The following IL1RAPL1 variants were observed in gnomAD, a reference collection of about 807,000 sequenced individuals.
IL1RAPL1 encodes the protein interleukin-1 receptor accessory protein-like 1.
Under a neutral mutation model 48.4 loss-of-function variants are expected in IL1RAPL1, and 3 were observed. The ratio of observed to expected loss-of-function variants is 0.06; its 90% confidence interval spans 0.03 to 0.16. The LOEUF (loss-of-function observed/expected upper bound fraction) is 0.16, where lower values mean the gene tolerates loss of function less well. Ranked by LOEUF, IL1RAPL1 falls within the 10% of genes least tolerant of loss-of-function variation. IL1RAPL1 has a pLI of 1.00. For synonymous variants in IL1RAPL1, 185 were observed against 187.7 expected (o/e 0.99, Z 0.12); for missense variants, 349 against 530.6 (o/e 0.66, Z 3.36).
intron 5 of IL1RAPL1, among the ~76,000 whole-genome samples, chrX:29,417,268 A>C (rs2147702329): frequency 8.9e-6 from 1 of 111,935 alleles, no homozygotes; most frequent in East Asian, 2.8e-4. Context: ...TTTTTGAGAA[A>C]ACTGCATGAA....
intron 5 of IL1RAPL1, among the ~76,000 whole-genome samples, chrX:29,662,977 C>A (rs1010473128): frequency 3.6e-5 from 4 of 112,029 alleles, no homozygotes; most frequent in Non-Finnish European, 5.6e-5. Context: ...CCCTTTCACC[C>A]CAAGTGGATT....
intron 5 of IL1RAPL1, among the ~76,000 whole-genome samples, chrX:29,413,567 G>A (rs896146877): frequency 2.1e-5 from 2 of 97,533 alleles, no homozygotes; most frequent in African/African-American, 3.9e-5. Context: ...ATGTGTTCTC[G>A]TTGTTCAGTT....
chrX:28,606,817 T>C (rs917233058), intron 1 of IL1RAPL1, among the ~76,000 whole-genome samples: 1 of 111,627 alleles, frequency 9.0e-6, no homozygotes, highest in East Asian at 2.8e-4. Context: ...TTCTTCTTTT[T>C]GTAGATTTCA....
chrX:29,434,828 A>T (rs1934463915), intron 5 of IL1RAPL1, among the ~76,000 whole-genome samples: 2 of 111,282 alleles, frequency 1.8e-5, no homozygotes, highest in African/African-American at 6.5e-5. Flanking sequence ...TTCACATAAT[A>T]TAAAATACAC....
At chrX:29,205,901 A>ATT (rs59415156) in intron 2 of IL1RAPL1, among the ~76,000 whole-genome samples, 1,915 of 101,821 alleles carry the variant, frequency 0.019, 51 homozygotes, top group African/African-American at 0.063. Context: ...CACCCAGCTA[A>ATT]TTTTTTTTTT....
chrX:29,663,177 G>T, intron 5 of IL1RAPL1, among the ~76,000 whole-genome samples: 1 of 112,155 alleles, frequency 8.9e-6, no homozygotes, highest in East Asian at 2.8e-4. Context: ...GAAGCATTAT[G>T]GGTGATCCAA....
chrX:29,036,939 A>G (rs1240359169), intron 2 of IL1RAPL1, among the ~76,000 whole-genome samples: 1 of 111,840 alleles, frequency 8.9e-6, no homozygotes, highest in African/African-American at 3.3e-5. Context: ...ATATTGTATT[A>G]CTCGAAACAT....
intron 1 of IL1RAPL1, among the ~76,000 whole-genome samples, chrX:28,692,085 A>C (rs970537872): frequency 3.6e-5 from 4 of 110,682 alleles, no homozygotes; most frequent in Admixed American, 9.7e-5. Flanking sequence ...GGAAGGAGCG[A>C]GGCTCTTTTT....
intron 2 of IL1RAPL1, among the ~76,000 whole-genome samples, chrX:28,881,058 C>T (rs1458913859): frequency 2.7e-5 from 3 of 111,028 alleles, no homozygotes; most frequent in Non-Finnish European, 5.7e-5. Flanking sequence ...GGTATTCCCA[C>T]CAAGATGCCC....
chrX:29,463,682 A>G (rs1017127195), intron 5 of IL1RAPL1, among the ~76,000 whole-genome samples: 2 of 111,838 alleles, frequency 1.8e-5, no homozygotes, highest in African/African-American at 6.5e-5. Context: ...ACACTCTTTG[A>G]CACACCTCCC....
chrX:29,420,588 T>C (rs1024049775), intron 5 of IL1RAPL1, among the ~76,000 whole-genome samples: 8 of 112,320 alleles, frequency 7.1e-5, no homozygotes, highest in African/African-American at 2.6e-4. Context: ...ATTTGGCCAA[T>C]TGGATATATT....
chrX:29,721,223 G>T (rs147599550), intron 6 of IL1RAPL1, among the ~76,000 whole-genome samples: 11,856 of 111,418 alleles, frequency 0.11, 597 homozygotes, highest in Middle Eastern at 0.25. Flanking sequence ...GGTAGATTAG[G>T]TGACTGCCTT....
At chrX:29,340,356 C>A (rs1933056997) in intron 3 of IL1RAPL1, among the ~76,000 whole-genome samples, 1 of 111,190 alleles carries the variant, frequency 9.0e-6, no homozygotes, top group Non-Finnish European at 1.9e-5. Flanking sequence ...CCCCTACCCC[C>A]AGCTCTTGGC....
At chrX:28,715,100 C>T (rs1046183668) in intron 1 of IL1RAPL1, among the ~76,000 whole-genome samples, 4 of 112,441 alleles carry the variant, frequency 3.6e-5, no homozygotes, top group African/African-American at 1.3e-4. Context: ...ATACGTTCTT[C>T]TCATTGCCAC....
At chrX:28,862,844 A>G (rs1316945199) in intron 2 of IL1RAPL1, among the ~76,000 whole-genome samples, 1 of 110,739 alleles carries the variant, frequency 9.0e-6, no homozygotes, top group Non-Finnish European at 1.9e-5. Context: ...AAAGCAATAA[A>G]CCAAATATTT....
intron 6 of IL1RAPL1, among the ~76,000 whole-genome samples, chrX:29,836,053 CTTTCT>C (rs1930993577): frequency 9.2e-6 from 1 of 108,275 alleles, no homozygotes; most frequent in African/African-American, 3.4e-5. Flanking sequence ...TGAGTTTTTT[CTTTCT>C]TTTCTTCTGG....
intron 5 of IL1RAPL1, among the ~76,000 whole-genome samples, chrX:29,648,388 C>T (rs1925406438): frequency 9.0e-6 from 1 of 111,521 alleles, no homozygotes. Flanking sequence ...CCATGTTAGA[C>T]CACAAAACAG....
In IL1RAPL1 at chrX:29,178,306, T is replaced by A. The variant is rs191488292; in HGVS notation, c.83-104632T>A. ...CCATTCTAACTGGTGTGAAATGGTA[T>A]CTCATTGTGGTTTTGATTTGCATTT... On this transcript the variant is annotated intron_variant, in intron 2 of 10. Transcript: ENST00000378993. Among the ~76,000 whole-genome samples the A allele has an allele frequency of 3.0e-4, 34 of 112,254 alleles. 1 individual carries two copies. The highest frequency in any genetic ancestry group is 2.9e-3 in the Admixed American group (31 of 10,585).
At chrX:28,733,819 T>C (rs1486294226) in intron 1 of IL1RAPL1, among the ~76,000 whole-genome samples, 1 of 111,582 alleles carries the variant, frequency 9.0e-6, no homozygotes, top group African/African-American at 3.3e-5. Context: ...CTCTCCCAAA[T>C]TCCAGATTCG....
Sources: allele counts gnomAD v4.1 joint callset (sites outside exome capture counted in the v4.1 genomes callset), GRCh38; gene constraint gnomAD v4.1.1; transcripts MANE v1.5; gene names NCBI Gene and HGNC (gene_info 2026-07-23, HGNC 2026-07-21).